Variants in GALNTL6 observed in about 807,000 individuals in gnomAD.
The protein encoded by GALNTL6 is polypeptide N-acetylgalactosaminyltransferase-like 6.
A neutral mutation model predicts 73.7 loss-of-function variants in GALNTL6; 46 were observed. That is an observed-to-expected ratio of 0.62 (90% CI 0.49 to 0.80). The LOEUF is 0.80. Among genes scored for constraint, GALNTL6 ranks in the 30% least tolerant of loss-of-function variants. The pLI, the probability that GALNTL6 is intolerant of heterozygous loss-of-function variation, is 0.00. For missense variants in GALNTL6, 604 were observed against 755.0 expected (o/e 0.80, Z 2.34); for synonymous variants, 259 against 263.7 (o/e 0.98, Z 0.17).
chr4:172,484,774 C>T (rs898958936), intron 5 of GALNTL6, among the ~76,000 whole-genome samples: 5 of 152,046 alleles, frequency 3.3e-5, no homozygotes, highest in African/African-American at 1.2e-4. Context: ...CATTTACACA[C>T]AAAACAGAAG....
At chr4:172,095,663 A>C (rs1732330645) in intron 2 of GALNTL6, among the ~76,000 whole-genome samples, 1 of 151,946 alleles carries the variant, frequency 6.6e-6, no homozygotes, top group South Asian at 2.1e-4. Flanking sequence ...AGCAGAGCAT[A>C]GAATAATGGC....
rs186189879 is a variant in GALNTL6 at position 172,377,500 on chromosome 4, G to A, written c.553+28811G>A. ...CTAGCAGATCCCGTGCTGGGGCCAT[G>A]GGCGGAGCTGCCCACCAGTCCCACT... On this transcript the variant is annotated intron_variant, in intron 5 of 12. Transcript: ENST00000506823. Among the ~76,000 whole-genome samples, 34 of 152,304 alleles carry A rather than the reference G, an allele frequency of 2.2e-4. No individual in the cohort carries two copies. In the East Asian group the frequency reaches 5.4e-3, roughly 24 times the overall value.
At chr4:173,002,177 G>A (rs1176650145) in intron 10 of GALNTL6, among the ~76,000 whole-genome samples, 1 of 152,138 alleles carries the variant, frequency 6.6e-6, no homozygotes, top group Admixed American at 6.5e-5. Context: ...AGATCAAGAG[G>A]TCAGGAGATC....
intron 5 of GALNTL6, among the ~76,000 whole-genome samples, chr4:172,469,566 A>G (rs1167863143): frequency 6.6e-6 from 1 of 152,226 alleles, no homozygotes; most frequent in African/African-American, 2.4e-5. Context: ...TGGAGGCTGC[A>G]GTGAGCTATG....
intron 2 of GALNTL6, among the ~76,000 whole-genome samples, chr4:171,900,376 C>T (rs542832480): frequency 1.8e-4 from 27 of 152,118 alleles, no homozygotes; most frequent in Admixed American, 4.6e-4. Flanking sequence ...GGTGTGAGCT[C>T]GGCTCACTAC....
At chr4:172,799,640 G>C (rs1442271414) in intron 5 of GALNTL6, among the ~76,000 whole-genome samples, 1 of 152,134 alleles carries the variant, frequency 6.6e-6, no homozygotes, top group Non-Finnish European at 1.5e-5. Flanking sequence ...TTAAAACTGA[G>C]TAGACACCCT....
At chr4:171,854,206 A>G (rs1735616074) in intron 2 of GALNTL6, among the ~76,000 whole-genome samples, 1 of 152,074 alleles carries the variant, frequency 6.6e-6, no homozygotes, top group Non-Finnish European at 1.5e-5. Context: ...CTTCCCAGAT[A>G]CCAGTGTCTG....
At chr4:172,664,000 A>G (rs542109696) in intron 5 of GALNTL6, among the ~76,000 whole-genome samples, 1 of 152,048 alleles carries the variant, frequency 6.6e-6, no homozygotes, top group East Asian at 1.9e-4. Context: ...CACACCCAAT[A>G]TGCAACTGCA....
intron 5 of GALNTL6, among the ~76,000 whole-genome samples, chr4:172,387,749 C>G (rs1193817161): frequency 6.6e-6 from 1 of 152,118 alleles, no homozygotes; most frequent in East Asian, 1.9e-4. Flanking sequence ...TGTCCCCTGT[C>G]TCTTCACCTT....
rs183620369 is a variant in GALNTL6, at chr4:172,125,056, T to C, written c.139-104600T>C. ...AAAATTATGAGAGCTGATGAAAAAG[T>C]TGAAGGAAAGAGTTATGAGCACAGC... On this transcript the variant is annotated intron_variant, in intron 2 of 12. Coordinates refer to ENST00000506823, the MANE Select transcript of GALNTL6 (RefSeq NM_001034845.3). Among the ~76,000 whole-genome samples, 308 of 152,100 alleles carry C rather than the reference T, an allele frequency of 2.0e-3. 5 individuals carry two copies. Among genetic ancestry groups the C allele is most frequent in the Middle Eastern group, 6.8e-3 (2 of 294 alleles).
intron 4 of GALNTL6, among the ~76,000 whole-genome samples, chr4:172,340,334 G>T (rs184447983): frequency 8.7e-4 from 133 of 152,232 alleles, no homozygotes; most frequent in African/African-American, 3.0e-3. Flanking sequence ...GCATCCCAGG[G>T]ATAAGTCCAG....
At chr4:172,031,296 C>T (rs2110820751) in intron 2 of GALNTL6, among the ~76,000 whole-genome samples, 1 of 152,130 alleles carries the variant, frequency 6.6e-6, no homozygotes, top group East Asian at 1.9e-4. Context: ...CACCAAATTC[C>T]AATATGGTCC....
chr4:172,116,608 T>A (rs1009592566), intron 2 of GALNTL6, among the ~76,000 whole-genome samples: 2 of 152,276 alleles, frequency 1.3e-5, no homozygotes, highest in Admixed American at 1.3e-4. Context: ...GTATTATTCC[T>A]CTGAGAGCTT....
intron 2 of GALNTL6, among the ~76,000 whole-genome samples, chr4:171,836,046 G>A (rs974792047): frequency 6.7e-5 from 10 of 150,304 alleles, no homozygotes; most frequent in South Asian, 2.1e-4. Flanking sequence ...CTATCACTTA[G>A]CCATACAGCA....
At chr4:172,357,318 G>A (rs1210846262) in intron 5 of GALNTL6, among the ~76,000 whole-genome samples, 1 of 152,154 alleles carries the variant, frequency 6.6e-6, no homozygotes, top group Non-Finnish European at 1.5e-5. Flanking sequence ...TGGGACATCT[G>A]ATTCTGTCTT....
chr4:172,609,805 A>G lies in GALNTL6; in HGVS notation c.554-199556A>G, dbSNP rs371771112. The stretch of plus-strand genomic sequence containing the variant: ...TTTGTACACCTGGTAGAATTTGTCT[A>G]TGAATCCGTCTGGTCCTGGATTTTT... On this transcript the variant is annotated intron_variant, in intron 5 of 12. Coordinates refer to ENST00000506823, the MANE Select transcript of GALNTL6 (RefSeq NM_001034845.3). 4.0e-4 allele frequency among the ~76,000 whole-genome samples: 61 copies of G among 151,652 alleles called. No homozygotes were observed. The Middle Eastern group carries it at 0.01, about 25-fold the overall frequency.
intron 10 of GALNTL6, among the ~76,000 whole-genome samples, chr4:172,965,886 C>T (rs1750303897): frequency 6.6e-6 from 1 of 152,034 alleles, no homozygotes; most frequent in Non-Finnish European, 1.5e-5. Flanking sequence ...ATTTGTGTGA[C>T]AGGAGTCCAT....
chr4:172,573,110 T>G (rs1736827023), intron 5 of GALNTL6, among the ~76,000 whole-genome samples: 1 of 152,142 alleles, frequency 6.6e-6, no homozygotes, highest in East Asian at 1.9e-4. Flanking sequence ...TTGATTCCCC[T>G]TTAAAAATGG....
At chr4:172,020,397 A>G (rs1025023998) in intron 2 of GALNTL6, among the ~76,000 whole-genome samples, 1 of 151,810 alleles carries the variant, frequency 6.6e-6, no homozygotes, top group Non-Finnish European at 1.5e-5. Flanking sequence ...GAAAAGTTAA[A>G]CAAAATTGAA....
Sources: allele counts gnomAD v4.1 joint callset (sites outside exome capture counted in the v4.1 genomes callset), GRCh38; gene constraint gnomAD v4.1.1; transcripts MANE v1.5; gene names NCBI Gene and HGNC (gene_info 2026-07-23, HGNC 2026-07-21).